TMEM108: variants seen among roughly 807,000 people sequenced by gnomAD.
TMEM108 encodes cancer/testis antigen 124.
TMEM108 carries 12 observed loss-of-function variants against 35.1 expected under a neutral mutation model. The observed-to-expected ratio is 0.34, with a 90% CI of 0.22 to 0.55. TMEM108 has a LOEUF of 0.55. TMEM108 is among the 20% of genes least tolerant of loss of function. The pLI, the probability that TMEM108 is intolerant of heterozygous loss-of-function variation, is 0.89. For synonymous variants in TMEM108, 287 were observed against 308.6 expected, an observed-to-expected ratio of 0.93 and a Z score of 0.73; for missense variants, 680 against 753.3, an observed-to-expected ratio of 0.90 and a Z score of 1.14.
chr3:133,272,305 GTGTGTGTT>G (rs1456634610), intron 3 of TMEM108, among the ~76,000 whole-genome samples: 9 of 149,822 alleles, frequency 6.0e-5, no homozygotes, highest in Non-Finnish European at 1.2e-4. Flanking sequence ...GTGTGTGTGT[GTGTGTGTT>G]TCCTAAAGGA....
chr3:133,171,409 C>T (rs1945129134), intron 2 of TMEM108, among the ~76,000 whole-genome samples: 1 of 152,160 alleles, frequency 6.6e-6, no homozygotes, highest in South Asian at 2.1e-4. Flanking sequence ...TGGAGTCTTG[C>T]TCTGTCACCT....
chr3:133,286,824 T>TAGAGATAGGATCCCCA lies in TMEM108; in HGVS notation c.40+57473_40+57474insAGAGATAGGATCCCCA, dbSNP rs561904425. On this transcript the variant is annotated intron_variant, in intron 3 of 5. Coordinates refer to ENST00000321871, the MANE Select transcript of TMEM108 (RefSeq NM_023943.4). ...ACTGAACACTGACATAGATCCTATC[T>TAGAGATAGGATCCCCA]CTAGATCCCCACTGCCTTAGTAACT... Among the ~76,000 whole-genome samples, 9 of 152,350 alleles carry TAGAGATAGGATCCCCA rather than the reference T, an allele frequency of 5.9e-5. No homozygotes were observed. In the South Asian group the frequency reaches 1.9e-3, roughly 32 times the overall value.
intron 3 of TMEM108, among the ~76,000 whole-genome samples, chr3:133,257,861 A>G (rs906655974): frequency 4.6e-5 from 7 of 152,198 alleles, no homozygotes; most frequent in African/African-American, 1.7e-4. Flanking sequence ...AGTGTATAAC[A>G]CTGAGCTATC....
intron 3 of TMEM108, among the ~76,000 whole-genome samples, chr3:133,285,850 A>G (rs1034238446): frequency 6.6e-6 from 1 of 152,014 alleles, no homozygotes; most frequent in Non-Finnish European, 1.5e-5. Context: ...GCCCTTGGAT[A>G]TGTTTATCTT....
At chr3:133,241,802 C>T (rs1381441882) in intron 3 of TMEM108, among the ~76,000 whole-genome samples, 3 of 151,880 alleles carry the variant, frequency 2.0e-5, no homozygotes, top group African/African-American at 7.3e-5. Context: ...TTAGTAGAGA[C>T]AGAGTTTTAC....
At chr3:133,285,009 T>C (rs917093921) in intron 3 of TMEM108, among the ~76,000 whole-genome samples, 1 of 152,170 alleles carries the variant, frequency 6.6e-6, no homozygotes, top group Non-Finnish European at 1.5e-5. Context: ...TTCTTTGTTT[T>C]ATAATTTCTT....
At chr3:133,383,783 G>T (rs2073074785) in intron 4 of TMEM108, among the ~76,000 whole-genome samples, 1 of 152,174 alleles carries the variant, frequency 6.6e-6, no homozygotes, top group Non-Finnish European at 1.5e-5. Flanking sequence ...ACTTTCTAAA[G>T]AAAGACACAA....
At chr3:133,321,647 A>G (rs2071269027) in intron 3 of TMEM108, among the ~76,000 whole-genome samples, 1 of 152,318 alleles carries the variant, frequency 6.6e-6, no homozygotes, top group South Asian at 2.1e-4. Flanking sequence ...CAAAGAAACA[A>G]TGAACTTAAA....
At chr3:133,133,688 T>C (rs940171974) in intron 2 of TMEM108, among the ~76,000 whole-genome samples, 1 of 151,756 alleles carries the variant, frequency 6.6e-6, no homozygotes, top group Non-Finnish European at 1.5e-5. Flanking sequence ...TTCCTTTTTT[T>C]TTCTTTCTTT....
chr3:133,294,726 A>C (rs1355382042), intron 3 of TMEM108, among the ~76,000 whole-genome samples: 2 of 152,214 alleles, frequency 1.3e-5, no homozygotes, highest in African/African-American at 4.8e-5. Context: ...TGCTACTGAG[A>C]TGGTGAAGTT....
chr3:133,361,066 A>T (rs919584195), intron 3 of TMEM108, among the ~76,000 whole-genome samples: 1 of 152,248 alleles, frequency 6.6e-6, no homozygotes, highest in African/African-American at 2.4e-5. Flanking sequence ...TACTGGACAT[A>T]GGAATCAACC....
At chr3:133,239,514 T>G (rs1249087260) in intron 3 of TMEM108, among the ~76,000 whole-genome samples, 1 of 152,184 alleles carries the variant, frequency 6.6e-6, no homozygotes, top group African/African-American at 2.4e-5. Context: ...GGGCATCCAG[T>G]GATTCTGATG....
intron 3 of TMEM108, among the ~76,000 whole-genome samples, chr3:133,311,038 T>G (rs926706284): frequency 6.6e-6 from 1 of 152,236 alleles, no homozygotes; most frequent in Non-Finnish European, 1.5e-5. Flanking sequence ...TGTAAGAATG[T>G]TGAATATTGA....
chr3:133,302,201 C>T (rs1351166371), intron 3 of TMEM108, among the ~76,000 whole-genome samples: 2 of 152,186 alleles, frequency 1.3e-5, no homozygotes, highest in Non-Finnish European at 2.9e-5. Context: ...TGCCGTGCAT[C>T]TCACTGCTCA....
chr3:133,309,682 C>CTTTTTTTTTTTTTTT (rs148272827), intron 3 of TMEM108, among the ~76,000 whole-genome samples: 6 of 69,138 alleles, frequency 8.7e-5, no homozygotes, highest in Non-Finnish European at 1.7e-4. Flanking sequence ...GAGTGAGTTT[C>CTTTTTTTTTTTTTTT]TTTTTTTTTT....
At chr3:133,091,140 T>G (rs891975725) in intron 2 of TMEM108, among the ~76,000 whole-genome samples, 3 of 152,354 alleles carry the variant, frequency 2.0e-5, no homozygotes, top group East Asian at 1.9e-4. Flanking sequence ...ACACTGTTAC[T>G]GTTAAAAATA....
At chr3:133,137,922 C>T (rs1944587823) in intron 2 of TMEM108, among the ~76,000 whole-genome samples, 1 of 152,042 alleles carries the variant, frequency 6.6e-6, no homozygotes, top group South Asian at 2.1e-4. Flanking sequence ...TCTGTCGTCT[C>T]CAAGAGAACT....
intron 3 of TMEM108, among the ~76,000 whole-genome samples, chr3:133,267,419 A>G (rs1220429264): frequency 1.3e-5 from 2 of 152,248 alleles, no homozygotes; most frequent in African/African-American, 4.8e-5. Context: ...GAAAGCAGCT[A>G]GAGAGTGGAT....
In TMEM108 at chr3:133,380,930, A is replaced by G. The variant is rs751688768; in HGVS notation, c.1219A>G (p.Thr407Ala). Residue 407 changes from threonine (T) to alanine (A), a missense_variant, in exon 4 of 6, where the codon ACC becomes GCC. Physicochemically the swap from Thr to Ala is moderately conservative, Grantham distance 58. This residue lies in a region of TMEM108 where 526 missense variants were observed against 532.1 expected (regional missense o/e 0.99). Transcript: ENST00000321871. This position sits in a 1 kb window ranked among gnomAD's most constrained non-coding sequence, Gnocchi z 5.3. ...TGGAGCCAAGGAGGAGACTGTGGCCACCCTCACCATGACCGACCGGGTGCC... is the reference window on the plus strand; with the variant it reads ...TGGAGCCAAGGAGGAGACTGTGGCCGCCCTCACCATGACCGACCGGGTGCC... ...ISGAKEETVA[T>A]LTMTDRVPSP... The G allele has an allele frequency of 3.7e-6, 6 of 1,613,916 alleles. No homozygotes were observed. Among genetic ancestry groups the G allele is most frequent in the Admixed American group, 3.3e-5 (2 of 60,006 alleles).
Sources: allele counts gnomAD v4.1 joint callset (sites outside exome capture counted in the v4.1 genomes callset), GRCh38; gene constraint gnomAD v4.1.1; regional missense constraint gnomAD v4.1.1; non-coding constraint Gnocchi (gnomAD v3.1); transcripts MANE v1.5; gene names NCBI Gene and HGNC (gene_info 2026-07-23, HGNC 2026-07-21).